Variants in TNPO2 observed in about 807,000 individuals in gnomAD.
TNPO2 encodes the protein transportin 2.
A neutral mutation model predicts 111.1 loss-of-function variants in TNPO2; 16 were observed. The ratio of observed to expected loss-of-function variants is 0.14; its 90% CI spans 0.10 to 0.22. The LOEUF (loss-of-function observed/expected upper bound fraction) is 0.22. Among genes scored for constraint, TNPO2 ranks in the 10% least tolerant of loss-of-function variants. The probability of loss-of-function intolerance (pLI) is 1.00; values close to 1 mark genes in which losing one functional copy is unlikely to be tolerated. For synonymous variants in TNPO2, 481 were observed against 475.8 expected, an observed-to-expected ratio of 1.01 and a Z score of -0.14; for missense variants, 530 against 1,173.7, an observed-to-expected ratio of 0.45 and a Z score of 8.01.
At position 12,711,360 on chromosome 19, in the gene TNPO2, C is replaced by A. The variant is rs774768383; in HGVS notation, c.1053G>T (p.Arg351=). 1.2e-6 allele frequency: 2 copies of A among 1,614,030 alleles called. No individual in the cohort carries two copies. Among genetic ancestry groups the A allele is most frequent in the Middle Eastern group, 1.6e-4 (1 of 6,062 alleles). The part of the protein sequence containing the change: ...RTVTLPHEAE[R]PDGSEDAEDD... ...CCTCCGCGTCCTCGGAGCCATCAGG[C>A]CGCTCAGCCTCGTGGGGCAGTGTGA... The change falls in exon 12 of 26, where the codon CGG becomes CGT. Residue 351 remains arginine (R), a synonymous_variant. Transcript: ENST00000425528.
chr19:12,702,603 G>T lies in TNPO2; in HGVS notation c.2305+220C>A, dbSNP rs946592392. On this transcript the variant is annotated intron_variant, in intron 21 of 25. Transcript: ENST00000425528. This position sits in a 1 kb window ranked among gnomAD's most constrained non-coding sequence, Gnocchi z 5.5. ...GGCTGGTCTCGAACTCCTGACTTCA[G>T]GTGATCTGCCTCCCAAAGTGCTGAG... 1.3e-5 allele frequency among the ~76,000 whole-genome samples: 2 copies of T among 152,062 alleles called. No individual in the cohort carries two copies. Among genetic ancestry groups the T allele is most frequent in the African/African-American group, 4.8e-5 (2 of 41,418 alleles).
chr19:12,718,892 T>C, intron 5 of TNPO2, 137 bp downstream of exon 5: 2 of 1,216,388 alleles, frequency 1.6e-6, no homozygotes, highest in Non-Finnish European at 2.3e-6. Flanking sequence ...CGCCTCAGCT[T>C]CCTCATCTAT....
In TNPO2 at chr19:12,706,875, A is replaced by G; in HGVS notation, c.1271-80T>C. 8.4e-7 allele frequency: 1 copy of G among 1,191,056 alleles called. No individual in the cohort carries two copies. Among genetic ancestry groups the G allele is most frequent in the Non-Finnish European group, 1.2e-6 (1 of 827,800 alleles). 73.8% of individuals were successfully genotyped at this position (1,191,056 alleles called of 1,614,324 possible). On this transcript the variant is annotated intron_variant, in intron 13 of 25. Transcript: ENST00000425528. This position sits in a 1 kb window ranked among gnomAD's most constrained non-coding sequence, Gnocchi z 7.0. ...CCGTATGGAGAGAAGAGTCAGCCGC[A>G]CACAACATATAGGGAAACTGAGGCT... is the stretch of plus-strand genomic sequence containing the variant.
In TNPO2 at chr19:12,715,279, G is replaced by A; in HGVS notation, c.612C>T (p.Ala204=). 1 of 1,613,574 alleles carries A rather than the reference G, an allele frequency of 6.2e-7. No individual in the cohort carries two copies. Residue 204 remains alanine, a synonymous_variant, in exon 8 of 26, where the codon GCC becomes GCT. Transcript: ENST00000425528. This position sits in a 1 kb window ranked among gnomAD's most constrained non-coding sequence, Gnocchi z 7.1. Reference sequence around the variant, plus strand: ...TGTCAATATTGTCCATCAGCGCCTGGGCCCGGTCCATGATGAACTGGTTCA... The same window carrying A: ...TGTCAATATTGTCCATCAGCGCCTGAGCCCGGTCCATGATGAACTGGTTCA... The part of the protein sequence containing the change: ...ACVNQFIMDR[A]QALMDNIDTF...
In TNPO2 at chr19:12,711,478, CTGTT is replaced by C; in HGVS notation, c.952-21_952-18del. On this transcript the variant is annotated intron_variant, in intron 11 of 25. Transcript: ENST00000425528. ...CACATCCCCCTGGGGGACAGGCAGA[CTGTT>C]AAGTACTTTGGGGACCACAGCCGCG... 6.2e-7 allele frequency: 1 copy of C among 1,613,870 alleles called. No individual in the cohort carries two copies.
chr19:12,721,125 G>A lies in TNPO2; in HGVS notation c.-13-135C>T. The A allele has an allele frequency of 6.7e-7, 1 of 1,491,074 alleles. No homozygotes were observed. The highest frequency in any genetic ancestry group is 8.9e-7 in the Non-Finnish European group (1 of 1,127,856). 92.4% of individuals were successfully genotyped at this position (1,491,074 alleles called of 1,614,324 possible). A position where few individuals can be genotyped will look rare whatever the true frequency, so the allele number is the denominator to read the frequency against. ...GGACAGGCGGAGGCCTCCGATCCAC[G>A]CCCGCCCAAGTGCGGGGTCCCCGCC... On this transcript the variant is annotated intron_variant, in intron 2 of 25. Coordinates refer to ENST00000425528, the MANE Select transcript of TNPO2 (RefSeq NM_001382241.1). The surrounding 1 kb of genome is among the most constrained non-coding windows in gnomAD (Gnocchi z 4.9).
At chr19:12,720,836 G>T in intron 3 of TNPO2, 43 bp downstream of exon 3, 1 of 1,544,586 alleles carries the variant, frequency 6.5e-7, no homozygotes, top group Non-Finnish European at 8.7e-7. Flanking sequence ...GAAACTGCAC[G>T]CATCTACCCG....
chr19:12,719,041 G>T lies in TNPO2; in HGVS notation c.313C>A (p.Arg105=). 1 of 1,613,724 alleles carries T rather than the reference G, an allele frequency of 6.2e-7. No homozygotes were observed. Among genetic ancestry groups the T allele is most frequent in the Non-Finnish European group, 8.5e-7 (1 of 1,179,872 alleles). The part of the protein sequence containing the change: ...NNIGDASSLI[R]ATIGILITTI... ...CTGCCCCTCTCACCAATGGTGGCTC[G>T]GATGAGCGAGGAGGCATCGCCAATG... The change falls in exon 5 of 26, where the codon CGA becomes AGA. Residue 105 remains arginine (R), a synonymous_variant. Coordinates refer to ENST00000425528, the MANE Select transcript of TNPO2 (RefSeq NM_001382241.1). The surrounding 1 kb of genome is among the most constrained non-coding windows in gnomAD (Gnocchi z 5.0).
intron 10 of TNPO2, among the ~76,000 whole-genome samples, chr19:12,713,654 C>T (rs956222533): frequency 3.9e-5 from 6 of 152,038 alleles, no homozygotes; most frequent in African/African-American, 1.4e-4. Flanking sequence ...TGCAGTGAGC[C>T]GAGATTGTGC....
At chr19:12,717,665 T>C (rs1466343321) in intron 5 of TNPO2, among the ~76,000 whole-genome samples, 1 of 152,134 alleles carries the variant, frequency 6.6e-6, no homozygotes, top group African/African-American at 2.4e-5. Context: ...GAGGGGGTTT[T>C]TGCAGGACTA....
Position 12,710,682 on chromosome 19 carries a change from G to A in TNPO2, c.1209C>T (p.Leu403=), listed in dbSNP as rs776960194. ...CCTTGACCACCCACTCGGGGTGGAA[G>A]AGGAGGCCTTTGAGTAGTGGGAGTA... ...PHLLPLLKGL[L]FHPEWVVKES... The change falls in exon 13 of 26, where the codon CTC becomes CTT. Residue 403 remains leucine, a synonymous_variant. Coordinates refer to ENST00000425528, the MANE Select transcript of TNPO2 (RefSeq NM_001382241.1). 8 of 1,613,590 alleles carry A rather than the reference G, an allele frequency of 5.0e-6. No homozygotes were observed. In the African/African-American group the frequency reaches 9.3e-5, roughly 19 times the overall value.
At chr19:12,710,097 C>T (rs958560357) in intron 13 of TNPO2, among the ~76,000 whole-genome samples, 1 of 152,004 alleles carries the variant, frequency 6.6e-6, no homozygotes, top group Non-Finnish European at 1.5e-5. Context: ...AAAACCCCAC[C>T]GATTACAGAA....
chr19:12,704,154 G>A (rs2025488129), intron 18 of TNPO2, among the ~76,000 whole-genome samples: 1 of 152,216 alleles, frequency 6.6e-6, no homozygotes, highest in Non-Finnish European at 1.5e-5. Flanking sequence ...ATCACTTGAG[G>A]TCAGGAGTTT....
rs903011981 is a variant in TNPO2 at position 12,705,087 on chromosome 19, C to G, written c.2022+153G>C. 1.3e-5 allele frequency among the ~76,000 whole-genome samples: 2 copies of G among 152,126 alleles called. No homozygotes were observed. Among genetic ancestry groups the G allele is most frequent in the African/African-American group, 4.8e-5 (2 of 41,408 alleles). The stretch of plus-strand genomic sequence containing the variant: ...CTGGTCTCAAACTCCTGGGCTCAAG[C>G]AATCCTGCCTCGGCCTCCAGGATTA... On this transcript the variant is annotated intron_variant, in intron 18 of 25. Transcript: ENST00000425528. This position sits in a 1 kb window ranked among gnomAD's most constrained non-coding sequence, Gnocchi z 7.2.
chr19:12,701,914 G>A lies in TNPO2; in HGVS notation c.2412-63C>T. The A allele has an allele frequency of 6.7e-7, 1 of 1,491,982 alleles. No homozygotes were observed. 92.4% of individuals were successfully genotyped at this position (1,491,982 alleles called of 1,614,324 possible). ...CTGGGCATGCATCTGTGGAGGGCTG[G>A]GTCACTGGGGATCAGTGAGTGGGCC... On this transcript the variant is annotated intron_variant, in intron 22 of 25. Coordinates refer to ENST00000425528, the MANE Select transcript of TNPO2 (RefSeq NM_001382241.1). The surrounding 1 kb of genome is among the most constrained non-coding windows in gnomAD (Gnocchi z 5.0).
chr19:12,701,430 T>C lies in TNPO2; in HGVS notation c.2610A>G (p.Gln870=), dbSNP rs200775612. 6.2e-7 allele frequency: 1 copy of C among 1,613,872 alleles called. No homozygotes were observed. Among genetic ancestry groups the C allele is most frequent in the Non-Finnish European group, 8.5e-7 (1 of 1,179,848 alleles). The change falls in exon 25 of 26, where the codon CAA becomes CAG. Residue 870 remains glutamine (Q), a synonymous_variant. Coordinates refer to ENST00000425528, the MANE Select transcript of TNPO2 (RefSeq NM_001382241.1). The surrounding 1 kb of genome is among the most constrained non-coding windows in gnomAD (Gnocchi z 5.0). ...ACTGCTGCCAGTTATCTTCCCCAACTTGGTCTTTGAAGCCGTGGAGAATCT... is the reference window on the plus strand; with the variant it reads ...ACTGCTGCCAGTTATCTTCCCCAACCTGGTCTTTGAAGCCGTGGAGAATCT... ...FYKILHGFKD[Q]VGEDNWQQFS... is the part of the protein sequence containing the mutation.
At position 12,715,812 on chromosome 19, in the gene TNPO2, AC is replaced by A; in HGVS notation, c.326-74del. On this transcript the variant is annotated intron_variant, in intron 5 of 25. Coordinates refer to ENST00000425528, the MANE Select transcript of TNPO2 (RefSeq NM_001382241.1). The surrounding 1 kb of genome is among the most constrained non-coding windows in gnomAD (Gnocchi z 7.1). ...CTAGCACCTCCCCCTCCCACTGGAC[AC>A]CCCCAGTGCTGCCTTTCTGTTCCCT... 4 of 1,203,424 alleles carry A rather than the reference AC, an allele frequency of 3.3e-6. No individual in the cohort carries two copies. Among genetic ancestry groups the A allele is most frequent in the Non-Finnish European group, 3.6e-6 (3 of 843,344 alleles). 74.5% of individuals were successfully genotyped at this position (1,203,424 alleles called of 1,614,324 possible). A position where few individuals can be genotyped will look rare whatever the true frequency, so the allele number is the denominator to read the frequency against.
At chr19:12,720,048 ACT>A (rs1172333035) in intron 3 of TNPO2, among the ~76,000 whole-genome samples, 1 of 151,130 alleles carries the variant, frequency 6.6e-6, no homozygotes, top group East Asian at 1.9e-4. Flanking sequence ...ACAGAGTCTC[ACT>A]CTGTCACTTA....
Position 12,701,148 on chromosome 19 carries a change from A to G in TNPO2, c.*116T>C. On this transcript the variant is annotated 3_prime_UTR_variant, in exon 26 of 26. Coordinates refer to ENST00000425528, the MANE Select transcript of TNPO2 (RefSeq NM_001382241.1). This position sits in a 1 kb window ranked among gnomAD's most constrained non-coding sequence, Gnocchi z 5.0. ...GGGAAGGCATCTGGATTTGAGTCCC[A>G]CTCACTCCTCCCTAACCCCCCTCAA... is the stretch of plus-strand genomic sequence containing the variant. 1 of 529,672 alleles carries G rather than the reference A, an allele frequency of 1.9e-6. No individual in the cohort carries two copies. The highest frequency in any genetic ancestry group is 3.3e-6 in the Non-Finnish European group (1 of 298,804). 32.8% of individuals were successfully genotyped at this position (529,672 alleles called of 1,614,324 possible).
Sources: allele counts gnomAD v4.1 joint callset (sites outside exome capture counted in the v4.1 genomes callset), GRCh38; gene constraint gnomAD v4.1.1; non-coding constraint Gnocchi (gnomAD v3.1); transcripts MANE v1.5; gene names NCBI Gene and HGNC (gene_info 2026-07-23, HGNC 2026-07-21).